The following HNRNPH1 variants were observed in gnomAD, a reference collection of about 807,000 sequenced individuals.
The protein encoded by HNRNPH1 is heterogeneous nuclear ribonucleoprotein H1, also known as heterogeneous nuclear ribonucleoprotein H.
A neutral mutation model predicts 58.6 loss-of-function variants in HNRNPH1; 4 were observed. The ratio of observed to expected loss-of-function variants is 0.07; its 90% CI spans 0.03 to 0.16. HNRNPH1 has a LOEUF of 0.16. Ranked by LOEUF, HNRNPH1 falls within the 10% of genes least tolerant of loss-of-function variation. HNRNPH1 has a pLI of 1.00. For synonymous variants in HNRNPH1, 192 were observed against 189.2 expected, an observed-to-expected ratio of 1.01 and a Z score of -0.12; for missense variants, 271 against 564.2, an observed-to-expected ratio of 0.48 and a Z score of 5.26.
intron 3 of HNRNPH1, 106 bp from the exon 5 acceptor site, chr5:179,619,513 G>A: frequency 2.1e-6 from 2 of 943,080 alleles, no homozygotes; most frequent in South Asian, 1.7e-5. Context: ...TTTAACTTTA[G>A]GTGAATGGTA....
At chr5:179,622,199 A>G (rs528702358) in intron 1 of HNRNPH1, among the ~76,000 whole-genome samples, 5 of 152,162 alleles carry the variant, frequency 3.3e-5, no homozygotes, top group Admixed American at 6.5e-5. Context: ...TAGATAAGAA[A>G]ACACTCTTCA....
chr5:179,630,097 C>G (rs916245134), intron 2 of HNRNPH1, among the ~76,000 whole-genome samples: 12 of 152,086 alleles, frequency 7.9e-5, no homozygotes, highest in Non-Finnish European at 1.5e-4. Context: ...GCCTGTAATC[C>G]CAGCACTTTG....
Position 179,616,057 on chromosome 5 carries a change from TACTC to T in HNRNPH1, c.1300+65_1300+68del, listed in dbSNP as rs1282540932. The T allele has an allele frequency of 3.8e-6, 5 of 1,330,136 alleles. No homozygotes were observed. In the African/African-American group the frequency reaches 5.8e-5, roughly 15 times the overall value. 82.4% of individuals were successfully genotyped at this position (1,330,136 alleles called of 1,614,324 possible). A position where few individuals can be genotyped will look rare whatever the true frequency, so the allele number is the denominator to read the frequency against. On this transcript the variant is annotated intron_variant, in intron 11 of 12. Transcript: ENST00000356731. ...TACAGTAACAGGCTTTACCATAACTTACTCTAAGTACAGTAATGAACAGGCTTTA... is the reference window on the plus strand; with the variant it reads ...TACAGTAACAGGCTTTACCATAACTTTAAGTACAGTAATGAACAGGCTTTA...
intron 1 of HNRNPH1, 131 bp from the exon 3 acceptor site, chr5:179,621,528 A>AT: frequency 1.4e-6 from 1 of 695,968 alleles, no homozygotes. Flanking sequence ...ACTGACCACG[A>AT]TATTACCAAC....
At chr5:179,621,193 C>A in intron 2 of HNRNPH1, 49 bp downstream of exon 3, 1 of 1,574,130 alleles carries the variant, frequency 6.4e-7, no homozygotes. Flanking sequence ...GGTGAGACCT[C>A]TATTGTTTAA....
At chr5:179,617,169 A>G in intron 8 of HNRNPH1, 59 bp from the exon 10 acceptor site, 2 of 1,526,722 alleles carry the variant, frequency 1.3e-6, no homozygotes, top group South Asian at 1.1e-5. Context: ...CAGAATAAGC[A>G]CTTTTATAAA....
chr5:179,625,430 A>G (rs1774289319), upstream of HNRNPH1, among the ~76,000 whole-genome samples: 3 of 150,888 alleles, frequency 2.0e-5, no homozygotes, highest in South Asian at 6.3e-4. Context: ...AGGCAGAGGA[A>G]GCAGTGAGCT....
At chr5:179,628,980 C>CA (rs1191679185), upstream of HNRNPH1, among the ~76,000 whole-genome samples, 1 of 151,550 alleles carries the variant, frequency 6.6e-6, no homozygotes, top group Non-Finnish European at 1.5e-5. Context: ...GACTGTGCCT[C>CA]AAAGAAAAGA....
chr5:179,628,838 G>A (rs73336053), upstream of HNRNPH1, among the ~76,000 whole-genome samples: 1,027 of 152,056 alleles, frequency 6.8e-3, 13 homozygotes, highest in African/African-American at 0.023. Context: ...TAAATTAACC[G>A]GGTGTGGTGG....
rs775717437 is a variant in HNRNPH1, at chr5:179,621,217, G to GT, written c.253+24dup. The GT allele has an allele frequency of 2.1e-5, 33 of 1,603,698 alleles. 1 individual carries two copies. The East Asian group carries it at 6.9e-4, about 34-fold the overall frequency. On this transcript the variant is annotated intron_variant, in intron 2 of 12. Transcript: ENST00000356731. The stretch of plus-strand genomic sequence containing the variant: ...TCTATTGTTTAATGCTTTATTTACT[G>GT]TAACTAGGGCAATGTAAATCAAACC...
At chr5:179,617,703 AAAC>A in intron 7 of HNRNPH1, 54 bp from the exon 9 acceptor site, 6 of 1,604,344 alleles carry the variant, frequency 3.7e-6, no homozygotes, top group Non-Finnish European at 4.3e-6. Flanking sequence ...GTTACAAAAA[AAAC>A]CTAAAATTTC....
chr5:179,632,635 G>A (rs894543009), intron 2 of HNRNPH1, among the ~76,000 whole-genome samples: 8 of 152,348 alleles, frequency 5.3e-5, no homozygotes, highest in Admixed American at 5.2e-4. Context: ...GCCCTCTCCG[G>A]TTCACGCTGC....
intron 2 of HNRNPH1, among the ~76,000 whole-genome samples, chr5:179,631,933 T>C (rs952941054): frequency 6.6e-6 from 1 of 151,968 alleles, no homozygotes; most frequent in African/African-American, 2.4e-5. Context: ...AAACAAACTT[T>C]AAATTTCTGA....
exon 9 of HNRNPH1, chr5:179,617,088 G>A (rs781022515): frequency 3.7e-6 from 6 of 1,614,062 alleles, no homozygotes; most frequent in Non-Finnish European, 4.2e-6. Flanking sequence ...TAGAATTCAA[G>A]AAGAGTTCTA....
chr5:179,621,548 T>TC, intron 1 of HNRNPH1, 151 bp from the exon 3 acceptor site: 1 of 621,874 alleles, frequency 1.6e-6, no homozygotes, highest in South Asian at 2.2e-5. Context: ...CTCCTAAAAC[T>TC]CCAATTAAAA....
At chr5:179,628,994 T>G (rs1263261042), upstream of HNRNPH1, among the ~76,000 whole-genome samples, 2 of 143,198 alleles carry the variant, frequency 1.4e-5, no homozygotes, top group South Asian at 2.2e-4. Flanking sequence ...GAAAAGAAAA[T>G]AAATGCAATC....
intron 4 of HNRNPH1, 97 bp from the exon 6 acceptor site, chr5:179,618,420 T>C (rs148215698): frequency 1.1e-5 from 9 of 822,548 alleles, no homozygotes; most frequent in East Asian, 2.5e-5. Context: ...AATCTAGTCA[T>C]AGCCATGAAA....
chr5:179,625,932 ATTATTTAT>A (rs71591435), upstream of HNRNPH1, among the ~76,000 whole-genome samples: 37 of 144,244 alleles, frequency 2.6e-4, 1 homozygote, highest in Admixed American at 2.1e-4. Flanking sequence ...CCTTGCTCAG[ATTATTTAT>A]TTATTTATTT....
At chr5:179,631,239 A>G (rs925821080) in intron 2 of HNRNPH1, among the ~76,000 whole-genome samples, 2 of 152,162 alleles carry the variant, frequency 1.3e-5, no homozygotes, top group African/African-American at 4.8e-5. Flanking sequence ...ATGTTATTAA[A>G]ATATCATGTG....
Sources: allele counts gnomAD v4.1 joint callset (sites outside exome capture counted in the v4.1 genomes callset), GRCh38; gene constraint gnomAD v4.1.1; transcripts MANE v1.5; gene names NCBI Gene and HGNC (gene_info 2026-07-23, HGNC 2026-07-21).